HLCS: variants seen among roughly 807,000 people sequenced by gnomAD.
HLCS encodes the protein biotin--protein ligase.
Under a neutral mutation model 75.0 loss-of-function variants are expected in HLCS, and 53 were observed. The ratio of observed to expected loss-of-function variants is 0.71; its 90% CI spans 0.57 to 0.89. HLCS has a LOEUF of 0.89. Ranked by LOEUF, HLCS falls within the 40% of genes least tolerant of loss-of-function variation. The pLI is 0.00. For synonymous variants in HLCS, 431 were observed against 428.6 expected, an observed-to-expected ratio of 1.01 and a Z score of -0.07; for missense variants, 966 against 1,074.0, an observed-to-expected ratio of 0.90 and a Z score of 1.41.
At chr21:36,932,889 G>A (rs781437867) in intron 4 of HLCS, among the ~76,000 whole-genome samples, 11 of 152,246 alleles carry the variant, frequency 7.2e-5, no homozygotes, top group East Asian at 1.9e-4. Flanking sequence ...AGGCCGAGGC[G>A]GGAGGATCAT....
intron 2 of HLCS, among the ~76,000 whole-genome samples, chr21:36,942,723 A>T (rs895535130): frequency 6.6e-6 from 1 of 152,180 alleles, no homozygotes; most frequent in African/African-American, 2.4e-5. Flanking sequence ...GGCAAATCAT[A>T]TAAGAACTCC....
intron 6 of HLCS, among the ~76,000 whole-genome samples, chr21:36,804,630 C>A (rs1232394176): frequency 1.3e-5 from 2 of 152,230 alleles, no homozygotes; most frequent in Non-Finnish European, 2.9e-5. Flanking sequence ...CCTATCCCTT[C>A]CTCCTCCTGC....
At chr21:36,798,384 T>G (rs769765864) in intron 6 of HLCS, among the ~76,000 whole-genome samples, 1 of 152,240 alleles carries the variant, frequency 6.6e-6, no homozygotes, top group Non-Finnish European at 1.5e-5. Flanking sequence ...ATTCTAGTAA[T>G]TTGTTTATCC....
intron 6 of HLCS, among the ~76,000 whole-genome samples, chr21:36,887,042 A>G (rs1373084151): frequency 3.3e-5 from 5 of 151,968 alleles, no homozygotes; most frequent in Non-Finnish European, 1.5e-5. Flanking sequence ...GGGCAGGATA[A>G]TTGCTTGATC....
In HLCS at chr21:36,875,614, C is replaced by A. The variant is rs181225482; in HGVS notation, c.1892+21246G>T. 3.5e-3 allele frequency among the ~76,000 whole-genome samples: 538 copies of A among 152,306 alleles called. 10 individuals are homozygous for A. The highest frequency in any genetic ancestry group is 9.7e-4 in the East Asian group (5 of 5,174). ...ACTAAGAGCTGGACACTCATCGGGA[C>A]GATCTGCCTGCAGGAAGGAGCTACC... On this transcript the variant is annotated intron_variant, in intron 6 of 10. Transcript: ENST00000674895.
At chr21:36,758,546 G>C (rs1439238584) in intron 9 of HLCS, among the ~76,000 whole-genome samples, 3 of 152,120 alleles carry the variant, frequency 2.0e-5, no homozygotes, top group South Asian at 2.1e-4. Context: ...CAAGTAGCTG[G>C]GATTATGAGC....
intron 6 of HLCS, among the ~76,000 whole-genome samples, chr21:36,844,115 G>C (rs1402794616): frequency 6.6e-6 from 1 of 152,076 alleles, no homozygotes; most frequent in Non-Finnish European, 1.5e-5. Context: ...AGTCAATAAT[G>C]CTCCCTCTCT....
rs2065041493 is a variant in HLCS at position 36,897,050 on chromosome 21, TAAGA to T, written c.1698_1701del (p.Leu567AspfsTer10). On this transcript the variant is annotated frameshift_variant, in exon 6 of 11. Coordinates refer to ENST00000674895, the MANE Select transcript of HLCS (RefSeq NM_001352514.2). LOFTEE classifies it high-confidence loss of function. ...TCAGACACGTAGGATGAAACAAATC[TAAGA>T]GAGAGCTGGCCGGATTTTATTTCTC... 3 of 1,614,166 alleles carry T rather than the reference TAAGA, an allele frequency of 1.9e-6. No homozygotes were observed. The highest frequency in any genetic ancestry group is 2.5e-6 in the Non-Finnish European group (3 of 1,180,004).
chr21:36,918,414 C>T (rs2066023178), intron 5 of HLCS, among the ~76,000 whole-genome samples: 1 of 152,186 alleles, frequency 6.6e-6, no homozygotes, highest in Non-Finnish European at 1.5e-5. Context: ...AAGGAGACGC[C>T]ATCAGCTTCA....
chr21:36,881,997 C>T (rs1449235475), intron 6 of HLCS, among the ~76,000 whole-genome samples: 6 of 151,884 alleles, frequency 4.0e-5, no homozygotes, highest in Admixed American at 2.0e-4. Context: ...TGAGACTCCA[C>T]GTCGGCCGGG....
chr21:36,983,920 C>A (rs1489866323), intron 1 of HLCS, among the ~76,000 whole-genome samples: 2 of 152,072 alleles, frequency 1.3e-5, no homozygotes, highest in Admixed American at 1.3e-4. Context: ...ACTGTAGCCT[C>A]AAACTCCTGT....
chr21:36,764,765 G>C (rs949190210), intron 8 of HLCS, among the ~76,000 whole-genome samples: 4 of 152,166 alleles, frequency 2.6e-5, no homozygotes, highest in African/African-American at 9.7e-5. Context: ...CCCTCATCAG[G>C]CTGTTTGAGA....
chr21:36,885,894 C>A (rs1312340264), intron 6 of HLCS, among the ~76,000 whole-genome samples: 1 of 152,030 alleles, frequency 6.6e-6, no homozygotes, highest in East Asian at 1.9e-4. Context: ...GAAATAGAGG[C>A]ATAAAAGGTT....
chr21:36,790,939 G>A (rs147494029), intron 6 of HLCS, among the ~76,000 whole-genome samples: 1 of 152,342 alleles, frequency 6.6e-6, no homozygotes, highest in East Asian at 1.9e-4. Flanking sequence ...TGATTTGGCA[G>A]TGGTGTTGGC....
Position 36,752,461 on chromosome 21 carries a change from T to A in HLCS, c.*1785A>T, listed in dbSNP as rs2089405264. ...AGGGCTTGCCTTATATTACAAAGTC[T>A]GAGAAATGAAACCTACATCGTTAGC... On this transcript the variant is annotated 3_prime_UTR_variant, in exon 11 of 11. Transcript: ENST00000674895. 1 of 152,584 alleles carries A rather than the reference T, an allele frequency of 6.6e-6. No individual in the cohort carries two copies. Among genetic ancestry groups the A allele is most frequent in the Non-Finnish European group, 1.5e-5 (1 of 68,042 alleles). 9.5% of individuals were successfully genotyped at this position (152,584 alleles called of 1,614,324 possible). A position where few individuals can be genotyped will look rare whatever the true frequency, so the allele number is the denominator to read the frequency against.
At chr21:36,825,475 G>A (rs1431378115) in intron 6 of HLCS, among the ~76,000 whole-genome samples, 2 of 152,160 alleles carry the variant, frequency 1.3e-5, no homozygotes, top group Non-Finnish European at 2.9e-5. Context: ...GTGTGTATGT[G>A]TGTGTGTGTA....
At chr21:36,979,301 A>G (rs1354827983) in intron 1 of HLCS, among the ~76,000 whole-genome samples, 2 of 151,952 alleles carry the variant, frequency 1.3e-5, no homozygotes, top group African/African-American at 4.8e-5. Context: ...AAGAAAGAAA[A>G]AAACTACCTA....
chr21:36,979,244 G>A (rs1301087450), intron 1 of HLCS, among the ~76,000 whole-genome samples: 1 of 149,792 alleles, frequency 6.7e-6, no homozygotes, highest in East Asian at 2.0e-4. Context: ...TGCCCTCCAG[G>A]CCTGGGTGAC....
chr21:36,886,304 G>T (rs1226012970), intron 6 of HLCS, among the ~76,000 whole-genome samples: 2 of 151,856 alleles, frequency 1.3e-5, no homozygotes, highest in African/African-American at 4.8e-5. Flanking sequence ...GTGGTAGCAG[G>T]TGTCTGTAGT....
Sources: allele counts gnomAD v4.1 joint callset (sites outside exome capture counted in the v4.1 genomes callset), GRCh38; gene constraint gnomAD v4.1.1; transcripts MANE v1.5; gene names NCBI Gene and HGNC (gene_info 2026-07-23, HGNC 2026-07-21).